Variants in MDGA2 observed in about 807,000 individuals in gnomAD.
MDGA2 encodes MAM domain-containing glycosylphosphatidylinositol anchor protein 2.
A neutral mutation model predicts 117.8 loss-of-function variants in MDGA2; 40 were observed. That is an observed-to-expected ratio of 0.34 (90% CI 0.26 to 0.44). The LOEUF (loss-of-function observed/expected upper bound fraction) is 0.44, where lower values mean the gene tolerates loss of function less well. MDGA2 is among the 20% of genes least tolerant of loss of function. MDGA2 has a pLI of 1.00. For missense variants in MDGA2, 1,123 were observed against 1,250.6 expected (o/e 0.90, Z 1.54); for synonymous variants, 452 against 439.0 (o/e 1.03, Z -0.37).
intron 8 of MDGA2, among the ~76,000 whole-genome samples, chr14:47,031,496 C>T (rs1391122798): frequency 6.6e-6 from 1 of 151,990 alleles, no homozygotes; most frequent in African/African-American, 2.4e-5. Context: ...ATAGGCAGTT[C>T]CAGAATTTGT....
At chr14:46,969,961 T>C (rs1266027181) in intron 8 of MDGA2, among the ~76,000 whole-genome samples, 10 of 51,590 alleles carry the variant, frequency 1.9e-4, no homozygotes, top group African/African-American at 6.0e-4. Flanking sequence ...TATATATATA[T>C]ATATATATAT....
At chr14:46,873,190 T>C (rs1882084921) in intron 14 of MDGA2, 1 of 386,624 alleles carries the variant, frequency 2.6e-6, no homozygotes, top group South Asian at 4.7e-5. Flanking sequence ...ACTCATTGAT[T>C]GTCTACCTGA....
At chr14:47,273,302 G>A (rs1218026743) in intron 2 of MDGA2, among the ~76,000 whole-genome samples, 2 of 152,130 alleles carry the variant, frequency 1.3e-5, no homozygotes, top group African/African-American at 2.4e-5. Context: ...AAGCCAGGAT[G>A]ACAGTGGAAT....
intron 15 of MDGA2, 31 bp downstream of exon 15, chr14:46,854,993 G>T: frequency 6.4e-7 from 1 of 1,550,576 alleles, no homozygotes; most frequent in Non-Finnish European, 8.7e-7. Flanking sequence ...CTCATTTACA[G>T]CAATTAATTA....
intron 3 of MDGA2, chr14:47,200,630 T>C (rs1594717812): frequency 7.8e-7 from 1 of 1,279,728 alleles, no homozygotes; most frequent in East Asian, 2.3e-5. Context: ...AATTTTCTTC[T>C]CCACGTTCTT....
At chr14:47,502,622 C>T (rs1048919875) in intron 1 of MDGA2, among the ~76,000 whole-genome samples, 2 of 152,116 alleles carry the variant, frequency 1.3e-5, no homozygotes, top group South Asian at 4.1e-4. Context: ...TCCAGTATAA[C>T]ATTTTAAATC....
intron 1 of MDGA2, among the ~76,000 whole-genome samples, chr14:47,491,061 TAAAC>T (rs1280458602): frequency 2.6e-5 from 4 of 152,116 alleles, no homozygotes; most frequent in Non-Finnish European, 5.9e-5. Context: ...ATTAGATAGA[TAAAC>T]AAATCTAATC....
intron 3 of MDGA2, among the ~76,000 whole-genome samples, chr14:47,173,069 T>C (rs1884239460): frequency 1.3e-5 from 2 of 151,782 alleles, no homozygotes; most frequent in South Asian, 4.2e-4. Flanking sequence ...ATGAAATGAA[T>C]GAAATGAAGC....
intron 1 of MDGA2, among the ~76,000 whole-genome samples, chr14:47,461,265 A>ATGTGTG (rs1415422668): frequency 1.5e-4 from 2 of 13,296 alleles, no homozygotes; most frequent in East Asian, 3.5e-3. Context: ...AGTTAAAAAA[A>ATGTGTG]TGTATGTGTG....
At chr14:47,362,161 C>T (rs952719350) in intron 1 of MDGA2, among the ~76,000 whole-genome samples, 1 of 152,142 alleles carries the variant, frequency 6.6e-6, no homozygotes, top group Non-Finnish European at 1.5e-5. Context: ...CTTTCTCACT[C>T]AAATGAATTT....
chr14:47,352,868 C>T (rs1361532161), intron 1 of MDGA2, among the ~76,000 whole-genome samples: 2 of 152,012 alleles, frequency 1.3e-5, no homozygotes, highest in Non-Finnish European at 1.5e-5. Flanking sequence ...TGTTGTGATA[C>T]CTCGGTTCTT....
intron 2 of MDGA2, among the ~76,000 whole-genome samples, chr14:47,230,407 G>A (rs1438136775): frequency 2.0e-5 from 3 of 151,858 alleles, no homozygotes; most frequent in Non-Finnish European, 4.4e-5. Flanking sequence ...ATAATACAGT[G>A]CAATTCTAAC....
At chr14:47,155,831 C>T (rs1478535876) in intron 3 of MDGA2, among the ~76,000 whole-genome samples, 1 of 145,004 alleles carries the variant, frequency 6.9e-6, no homozygotes. Context: ...CCCCAAGGGT[C>T]TTGCGACATT....
At chr14:47,233,784 C>G (rs1160748021) in intron 2 of MDGA2, among the ~76,000 whole-genome samples, 1 of 152,104 alleles carries the variant, frequency 6.6e-6, no homozygotes, top group Non-Finnish European at 1.5e-5. Flanking sequence ...TGTTTCAATT[C>G]AAACCTACAT....
intron 9 of MDGA2, among the ~76,000 whole-genome samples, chr14:46,947,995 C>A (rs1885234089): frequency 6.6e-6 from 1 of 151,902 alleles, no homozygotes; most frequent in Non-Finnish European, 1.5e-5. Flanking sequence ...TGGGAGAGTT[C>A]CTCTATGACA....
chr14:47,140,962 A>T (rs1157280663), intron 4 of MDGA2, among the ~76,000 whole-genome samples: 1 of 152,164 alleles, frequency 6.6e-6, no homozygotes, highest in East Asian at 1.9e-4. Context: ...GCAAAAAAAA[A>T]TCTCATTTTA....
At chr14:47,139,018 T>C (rs1429222522) in intron 4 of MDGA2, among the ~76,000 whole-genome samples, 1 of 152,040 alleles carries the variant, frequency 6.6e-6, no homozygotes, top group Non-Finnish European at 1.5e-5. Flanking sequence ...TCAATTCAAA[T>C]TGCTATAGTT....
chr14:47,112,060 G>C (rs12588192), intron 5 of MDGA2, among the ~76,000 whole-genome samples: 2 of 151,598 alleles, frequency 1.3e-5, no homozygotes, highest in African/African-American at 4.8e-5. Context: ...GAACAACAAA[G>C]GGGCTAAGTT....
chr14:46,991,564 C>T (rs948108154), intron 8 of MDGA2, among the ~76,000 whole-genome samples: 14 of 152,026 alleles, frequency 9.2e-5, no homozygotes, highest in Non-Finnish European at 1.8e-4. Flanking sequence ...CTAAATGGTA[C>T]ACATGAAAAC....
Sources: gnomAD v4.1 joint callset for allele counts (sites outside exome capture counted in the v4.1 genomes callset) on GRCh38, gnomAD v4.1.1 for gene constraint, MANE v1.5 for transcripts, NCBI Gene and HGNC (gene_info 2026-07-23, HGNC 2026-07-21) for gene names.